CARM1: variants seen among roughly 807,000 people sequenced by gnomAD.
CARM1 encodes coactivator associated arginine methyltransferase 1.
Under a neutral mutation model 72.7 loss-of-function variants are expected in CARM1, and 14 were observed. That is an observed-to-expected ratio of 0.19 (90% CI 0.13 to 0.30). CARM1 has a LOEUF of 0.30. Among genes scored for constraint, CARM1 ranks in the 10% least tolerant of loss-of-function variants. The pLI is 1.00. For missense variants in CARM1, 432 were observed against 833.7 expected (o/e 0.52, Z 5.93); for synonymous variants, 333 against 345.5 (o/e 0.96, Z 0.40).
At position 10,912,525 on chromosome 19, in the gene CARM1, T is replaced by C. The variant is rs1038858339; in HGVS notation, c.669+231T>C. Among the ~76,000 whole-genome samples, 2 of 152,008 alleles carry C rather than the reference T, an allele frequency of 1.3e-5. No individual in the cohort carries two copies. The highest frequency in any genetic ancestry group is 4.8e-5 in the African/African-American group (2 of 41,386). ...ATGTCATTTCCCTGTTTTCTTTTTTTTTTTTTTGCACTGAAACCTTCATTC... is the reference window on the plus strand; with the variant it reads ...ATGTCATTTCCCTGTTTTCTTTTTTCTTTTTTTGCACTGAAACCTTCATTC... On this transcript the variant is annotated intron_variant, in intron 5 of 15. Transcript: ENST00000327064. The surrounding 1 kb of genome is among the most constrained non-coding windows in gnomAD (Gnocchi z 4.5).
At chr19:10,879,874 C>G (rs1271729728) in intron 1 of CARM1, among the ~76,000 whole-genome samples, 1 of 152,198 alleles carries the variant, frequency 6.6e-6, no homozygotes, top group Non-Finnish European at 1.5e-5. Flanking sequence ...CTTGGCCTCC[C>G]AAAGTCCTAG....
chr19:10,918,140 T>A (rs1040756466), intron 8 of CARM1, among the ~76,000 whole-genome samples: 1 of 152,238 alleles, frequency 6.6e-6, no homozygotes, highest in Non-Finnish European at 1.5e-5. Flanking sequence ...GAGAAGGTGC[T>A]GCTTTATGGT....
At chr19:10,874,852 T>G (rs1363956112) in intron 1 of CARM1, among the ~76,000 whole-genome samples, 1 of 152,106 alleles carries the variant, frequency 6.6e-6, no homozygotes, top group East Asian at 1.9e-4. Context: ...CAAAATCTCG[T>G]CTCTGCTAAA....
intron 1 of CARM1, among the ~76,000 whole-genome samples, chr19:10,878,631 A>C (rs1275340947): frequency 6.6e-6 from 1 of 152,182 alleles, no homozygotes; most frequent in Non-Finnish European, 1.5e-5. Flanking sequence ...CCTTAAATGC[A>C]TATATAAGTG....
rs763540926 is a variant in CARM1, at chr19:10,881,121, G to A, written c.220+9199G>A. Among the ~76,000 whole-genome samples the A allele has an allele frequency of 4.6e-5, 7 of 152,068 alleles. No individual in the cohort carries two copies. In the East Asian group the frequency reaches 1.3e-3, roughly 29 times the overall value. ...CTTGAGGCTACATTGAGCCATAATCGTACCACTGCACTCCATCCCGGGAAA... is the reference window on the plus strand; with the variant it reads ...CTTGAGGCTACATTGAGCCATAATCATACCACTGCACTCCATCCCGGGAAA... On this transcript the variant is annotated intron_variant, in intron 1 of 15. Transcript: ENST00000327064.
rs780832255 is a variant in CARM1 at position 10,921,897 on chromosome 19, T to C, written c.*140T>C. 176 of 825,880 alleles carry C rather than the reference T, an allele frequency of 2.1e-4. No homozygotes were observed. Among genetic ancestry groups the C allele is most frequent in the Non-Finnish European group, 3.0e-4 (163 of 536,298 alleles). The allele number at this position is 825,880 out of a possible 1,614,324, so 51.2% of individuals were successfully genotyped here. A position where few individuals can be genotyped will look rare whatever the true frequency, so the allele number is the denominator to read the frequency against. Reference sequence around the variant, plus strand: ...CTCTTTGCTATGGGAACTGGGACACTTTTTTACACGATGTTGCCGCCGTCC... The same window carrying C: ...CTCTTTGCTATGGGAACTGGGACACCTTTTTACACGATGTTGCCGCCGTCC... On this transcript the variant is annotated 3_prime_UTR_variant, in exon 16 of 16. Transcript: ENST00000327064.
chr19:10,902,589 G>T lies in CARM1; in HGVS notation c.221-2362G>T, dbSNP rs140931572. The stretch of plus-strand genomic sequence containing the variant: ...CTCCCAAAGTGCTGGGATTACAGGC[G>T]TGAGCCACTGTGCCCAGACTTTTTT... On this transcript the variant is annotated intron_variant, in intron 1 of 15. Transcript: ENST00000327064. 3.5e-3 allele frequency among the ~76,000 whole-genome samples: 527 copies of T among 149,108 alleles called. 3 individuals carry two copies. The highest frequency in any genetic ancestry group is 0.013 in the African/African-American group (516 of 40,774).
chr19:10,878,370 G>A (rs2073878553), intron 1 of CARM1, among the ~76,000 whole-genome samples: 1 of 152,132 alleles, frequency 6.6e-6, no homozygotes, highest in South Asian at 2.1e-4. Flanking sequence ...GGGGAGTTTG[G>A]CCCCAGCCAA....
In CARM1 at chr19:10,920,960, A is replaced by AC. The variant is rs1299395944; in HGVS notation, c.1537+18dup. 2.5e-6 allele frequency: 4 copies of AC among 1,613,360 alleles called. No homozygotes were observed. The highest frequency in any genetic ancestry group is 3.4e-6 in the Non-Finnish European group (4 of 1,179,452). On this transcript the variant is annotated intron_variant, in intron 13 of 15. Transcript: ENST00000327064. This position sits in a 1 kb window ranked among gnomAD's most constrained non-coding sequence, Gnocchi z 5.3. ...TGGCCGTGGCAGGTGAGCAGGGCCC[A>AC]CCCCAATGCCCAGCCAACCCGGGAG...
Position 10,914,088 on chromosome 19 carries a change from C to A in CARM1, c.847+34C>A, listed in dbSNP as rs138105378. On this transcript the variant is annotated intron_variant, in intron 6 of 15. Transcript: ENST00000327064. Reference sequence around the variant, plus strand: ...TGGGGGGTACACAGGCCAGGCCCCTCGGTGGAGGCCCTGGCTGCCGCTGAG... The same window carrying A: ...TGGGGGGTACACAGGCCAGGCCCCTAGGTGGAGGCCCTGGCTGCCGCTGAG... 2.5e-6 allele frequency: 4 copies of A among 1,571,468 alleles called. No individual in the cohort carries two copies. The highest frequency in any genetic ancestry group is 2.7e-5 in the African/African-American group (2 of 72,874).
At position 10,920,436 on chromosome 19, in the gene CARM1, A is replaced by G. The variant is rs1230023578; in HGVS notation, c.1197A>G (p.Ile399Met). 1.2e-6 allele frequency: 2 copies of G among 1,608,586 alleles called. No homozygotes were observed. Among genetic ancestry groups the G allele is most frequent in the Admixed American group, 3.3e-5 (2 of 59,850 alleles). Residue 399 changes from isoleucine (I) to methionine (M), a missense_variant and splice_region_variant, in exon 11 of 16, where the codon ATA becomes ATG. Transcript: ENST00000327064. The surrounding 1 kb of genome is among the most constrained non-coding windows in gnomAD (Gnocchi z 5.3). ...FWFDVAFIGS[I>M]MTVWLSTAPT... ...GTATGTGCCTGTCCCTGCTCCACAG[A>G]ATGACCGTGTGGCTGTCCACAGCCC...
chr19:10,905,121 C>T (rs1352748127), intron 2 of CARM1, 45 bp downstream of exon 2: 6 of 1,603,312 alleles, frequency 3.7e-6, no homozygotes, highest in Admixed American at 1.7e-5. Context: ...CCCAAAGCGC[C>T]CAGAGCCCTG....
intron 1 of CARM1, among the ~76,000 whole-genome samples, chr19:10,886,244 C>T (rs1015910683): frequency 7.2e-5 from 11 of 151,770 alleles, no homozygotes; most frequent in East Asian, 2.0e-4. Flanking sequence ...TTAGTAGAGA[C>T]GGGTTTTCTC....
rs752267028 is a variant in CARM1, at chr19:10,920,995, G to A, written c.1537+49G>A. On this transcript the variant is annotated intron_variant, in intron 13 of 15. Transcript: ENST00000327064. This position sits in a 1 kb window ranked among gnomAD's most constrained non-coding sequence, Gnocchi z 5.3. ...CCAGCCAACCCGGGAGGCCGCCCTC[G>A]CCGCAGGCCTGGCCCCTCTGCCTCC... 49 of 1,612,246 alleles carry A rather than the reference G, an allele frequency of 3.0e-5. 1 individual carries two copies. The East Asian group carries it at 8.5e-4, about 28-fold the overall frequency.
chr19:10,876,128 C>T (rs1160287744), intron 1 of CARM1, among the ~76,000 whole-genome samples: 1 of 152,048 alleles, frequency 6.6e-6, no homozygotes, highest in Non-Finnish European at 1.5e-5. Flanking sequence ...ATCCGCCCAC[C>T]TTGGCCTCCT....
chr19:10,917,225 A>G (rs1200996577), intron 8 of CARM1, among the ~76,000 whole-genome samples: 1 of 152,154 alleles, frequency 6.6e-6, no homozygotes, highest in Non-Finnish European at 1.5e-5. Flanking sequence ...AGTGGGTCAC[A>G]CCTGTAATCC....
intron 3 of CARM1, 147 bp from the exon 4 acceptor site, chr19:10,908,956 T>A (rs2074124794): frequency 1.8e-6 from 1 of 564,772 alleles, no homozygotes; most frequent in South Asian, 2.0e-5. Flanking sequence ...CTCCTGGAGC[T>A]GCTAGTGGGG....
intron 4 of CARM1, among the ~76,000 whole-genome samples, chr19:10,911,823 C>T (rs1287116925): frequency 6.6e-6 from 1 of 152,216 alleles, no homozygotes; most frequent in Admixed American, 6.5e-5. Context: ...AGCTGGGAGA[C>T]ACTGCCACCA....
At chr19:10,902,640 T>G (rs890391105) in intron 1 of CARM1, among the ~76,000 whole-genome samples, 1 of 151,458 alleles carries the variant, frequency 6.6e-6, no homozygotes, top group East Asian at 1.9e-4. Flanking sequence ...CATGCTCTTA[T>G]TCTTGTCACC....
Sources: gnomAD v4.1 joint callset for allele counts (sites outside exome capture counted in the v4.1 genomes callset) on GRCh38, gnomAD v4.1.1 for gene constraint, Gnocchi (gnomAD v3.1) non-coding constraint, MANE v1.5 for transcripts, NCBI Gene and HGNC (gene_info 2026-07-23, HGNC 2026-07-21) for gene names.